The following RASGEF1C variants were observed in gnomAD, a reference collection of about 807,000 sequenced individuals.
RASGEF1C encodes ras-GEF domain-containing family member 1C.
A neutral mutation model predicts 58.1 loss-of-function variants in RASGEF1C; 27 were observed. The observed-to-expected ratio is 0.46, with a 90% CI of 0.34 to 0.64. RASGEF1C has a LOEUF of 0.64. RASGEF1C is among the 30% of genes least tolerant of loss of function. The pLI is 0.01. For synonymous variants in RASGEF1C, 243 were observed against 246.3 expected, an observed-to-expected ratio of 0.99 and a Z score of 0.13; for missense variants, 502 against 605.1, an observed-to-expected ratio of 0.83 and a Z score of 1.79.
intron 5 of RASGEF1C, among the ~76,000 whole-genome samples, 192 bp downstream of exon 5, chr5:180,128,218 C>T (rs1447861281): frequency 1.3e-5 from 2 of 152,158 alleles, no homozygotes; most frequent in East Asian, 1.9e-4. Flanking sequence ...GGGAAGAACC[C>T]GCCCCAGCCT....
rs1766477090 is a variant in RASGEF1C at position 180,136,490 on chromosome 5, T to G, written c.326A>C (p.Lys109Thr). The change falls in exon 4 of 14, where the codon AAA (lysine) becomes ACA (threonine). Residue 109 changes from lysine (K) to threonine (T), a missense_variant. Lys to Thr is a moderately conservative substitution (Grantham distance 78). Coordinates refer to ENST00000361132, the MANE Select transcript of RASGEF1C (RefSeq NM_175062.4). ...DKARVRKFGP[K>T]LLQLLAEWTE... Reference sequence around the variant, plus strand: ...CCACTCGGCCAACAGCTGCAGCAGTTTGGGGCCGAACTTCCGGACCCGGGC... The same window carrying G: ...CCACTCGGCCAACAGCTGCAGCAGTGTGGGGCCGAACTTCCGGACCCGGGC... 6.4e-7 allele frequency: 1 copy of G among 1,570,794 alleles called. No homozygotes were observed. Among genetic ancestry groups the G allele is most frequent in the Admixed American group, 1.8e-5 (1 of 54,538 alleles).
At chr5:180,172,168 C>T (rs1267285230) in intron 1 of RASGEF1C, among the ~76,000 whole-genome samples, 1 of 152,222 alleles carries the variant, frequency 6.6e-6, no homozygotes, top group Non-Finnish European at 1.5e-5. Flanking sequence ...GCAGGACGGG[C>T]AGGGCCACCT....
chr5:180,173,775 T>A (rs1767158336), intron 1 of RASGEF1C, among the ~76,000 whole-genome samples: 2 of 151,988 alleles, frequency 1.3e-5, no homozygotes, highest in Non-Finnish European at 2.9e-5. Flanking sequence ...TAGCTGGGCG[T>A]GGTGGTGGGC....
chr5:180,121,221 G>A, intron 6 of RASGEF1C, 72 bp from the exon 7 acceptor site: 2 of 1,029,590 alleles, frequency 1.9e-6, no homozygotes, highest in East Asian at 2.4e-5. Context: ...CATGAAGTCA[G>A]TTCATGATCC....
At chr5:180,172,224 C>T (rs1010353145) in intron 1 of RASGEF1C, among the ~76,000 whole-genome samples, 13 of 152,174 alleles carry the variant, frequency 8.5e-5, no homozygotes, top group African/African-American at 2.4e-5. Flanking sequence ...ACTGGGTGTC[C>T]CAAGCCTGCC....
Position 180,128,490 on chromosome 5 carries a change from G to C in RASGEF1C, c.559C>G (p.Pro187Ala). Reference protein sequence around the residue: ...DKPISYRTKPPASIHRELLGV... With the variant: ...DKPISYRTKPAASIHRELLGV... ...AGGAGCTCCCTGTGGATGGAGGCTG[G>C]TGGCTTGGTCCTGTAGGAGATGGGC... Residue 187 changes from proline (P) to alanine (A), a missense_variant, in exon 5 of 14, where the codon CCA becomes GCA. Pro to Ala is a conservative substitution (Grantham distance 27, BLOSUM62 -1). Coordinates refer to ENST00000361132, the MANE Select transcript of RASGEF1C (RefSeq NM_175062.4). The C allele has an allele frequency of 6.2e-7, 1 of 1,614,174 alleles. No individual in the cohort carries two copies. Among genetic ancestry groups the C allele is most frequent in the Non-Finnish European group, 8.5e-7 (1 of 1,180,038 alleles).
rs556655310 is a variant in RASGEF1C at position 180,176,219 on chromosome 5, A to C, written c.-7+32809T>G. 6.9e-3 allele frequency among the ~76,000 whole-genome samples: 1,046 copies of C among 152,330 alleles called. 19 individuals carry two copies. The highest frequency in any genetic ancestry group is 0.024 in the African/African-American group (993 of 41,592). ...CTGGTGGCCATGCCTCCCAGAGAGC[A>C]GGTGGGCCCTGGAGGCAGGGGCCCC... On this transcript the variant is annotated intron_variant, in intron 1 of 13. Transcript: ENST00000361132.
chr5:180,158,369 C>T lies in RASGEF1C; in HGVS notation c.-6-20311G>A, dbSNP rs1344973253. ...GTCTTTCATTTTAATGGAGCACATA[C>T]TCTAGTAGCTTTTTGAGAAGAGGTG... On this transcript the variant is annotated intron_variant, in intron 1 of 13. Coordinates refer to ENST00000361132, the MANE Select transcript of RASGEF1C (RefSeq NM_175062.4). The surrounding 1 kb of genome is among the most constrained non-coding windows in gnomAD (Gnocchi z 4.0). 6.6e-6 allele frequency among the ~76,000 whole-genome samples: 1 copy of T among 152,172 alleles called. No individual in the cohort carries two copies. Among genetic ancestry groups the T allele is most frequent in the African/African-American group, 2.4e-5 (1 of 41,440 alleles).
intron 1 of RASGEF1C, among the ~76,000 whole-genome samples, chr5:180,144,055 C>T (rs1316352245): frequency 7.9e-5 from 12 of 152,156 alleles, no homozygotes. Flanking sequence ...GAGACTGGTG[C>T]ACGAAGTACC....
rs902833866 is a variant in RASGEF1C at position 180,158,743 on chromosome 5, T to A, written c.-6-20685A>T. ...AAGGACGCACCTTGACACGGGCCTTTCTATGTCCCTCGTGTGGAGCACTTT... is the reference window on the plus strand; with the variant it reads ...AAGGACGCACCTTGACACGGGCCTTACTATGTCCCTCGTGTGGAGCACTTT... On this transcript the variant is annotated intron_variant, in intron 1 of 13. Coordinates refer to ENST00000361132, the MANE Select transcript of RASGEF1C (RefSeq NM_175062.4). The surrounding 1 kb of genome is among the most constrained non-coding windows in gnomAD (Gnocchi z 4.0). 6.6e-6 allele frequency among the ~76,000 whole-genome samples: 1 copy of A among 152,180 alleles called. No homozygotes were observed. The highest frequency in any genetic ancestry group is 2.4e-5 in the African/African-American group (1 of 41,432).
intron 1 of RASGEF1C, among the ~76,000 whole-genome samples, chr5:180,172,692 C>T (rs529174408): frequency 2.0e-5 from 3 of 152,130 alleles, no homozygotes; most frequent in South Asian, 2.1e-4. Context: ...CCTTCTCTCA[C>T]GCCCAGCTCC....
At chr5:180,173,679 C>G (rs1767152187) in intron 1 of RASGEF1C, among the ~76,000 whole-genome samples, 1 of 151,304 alleles carries the variant, frequency 6.6e-6, no homozygotes, top group Admixed American at 6.6e-5. Flanking sequence ...CTTTGGGAGG[C>G]CAAGGTGGGC....
chr5:180,140,030 G>A (rs71613443), intron 1 of RASGEF1C, among the ~76,000 whole-genome samples: 1 of 152,214 alleles, frequency 6.6e-6, no homozygotes, highest in Non-Finnish European at 1.5e-5. Context: ...CTTTCTGAAG[G>A]AGGCCAGGAG....
chr5:180,206,504 A>T (rs1264523827), intron 1 of RASGEF1C, among the ~76,000 whole-genome samples: 1 of 152,244 alleles, frequency 6.6e-6, no homozygotes, highest in Non-Finnish European at 1.5e-5. Flanking sequence ...GTGGGAATGC[A>T]AAACGGTGCT....
Position 180,156,473 on chromosome 5 carries a change from C to G in RASGEF1C, c.-6-18415G>C, listed in dbSNP as rs907636784. ...GACCTCTGTGATAAAGAACTGTTAT[C>G]GAAAATATATAAAGGGCCAGGCATG... is the stretch of plus-strand genomic sequence containing the variant. On this transcript the variant is annotated intron_variant, in intron 1 of 13. Coordinates refer to ENST00000361132, the MANE Select transcript of RASGEF1C (RefSeq NM_175062.4). This position sits in a 1 kb window ranked among gnomAD's most constrained non-coding sequence, Gnocchi z 4.9. Among the ~76,000 whole-genome samples, 3 of 152,102 alleles carry G rather than the reference C, an allele frequency of 2.0e-5. No individual in the cohort carries two copies. The highest frequency in any genetic ancestry group is 2.0e-4 in the Admixed American group (3 of 15,258).
chr5:180,179,182 T>C (rs1300432760), intron 1 of RASGEF1C, among the ~76,000 whole-genome samples: 1 of 151,852 alleles, frequency 6.6e-6, no homozygotes, highest in Non-Finnish European at 1.5e-5. Context: ...GTGGCGTGCA[T>C]GGGCCGTGTT....
At chr5:180,140,983 C>A (rs1032349936) in intron 1 of RASGEF1C, among the ~76,000 whole-genome samples, 28 of 152,322 alleles carry the variant, frequency 1.8e-4, no homozygotes, top group Admixed American at 3.9e-4. Flanking sequence ...GTGATCAGAG[C>A]ATCACGTTCC....
At chr5:180,207,749 A>G (rs559492540) in intron 1 of RASGEF1C, among the ~76,000 whole-genome samples, 1 of 152,194 alleles carries the variant, frequency 6.6e-6, no homozygotes, top group African/African-American at 2.4e-5. Flanking sequence ...GTAGCGTCTC[A>G]GCTCCAGCTC....
In RASGEF1C at chr5:180,137,660, C is replaced by T. The variant is rs140361935; in HGVS notation, c.230G>A (p.Arg77Gln). Residue 77 changes from arginine to glutamine, a missense_variant, in exon 3 of 14, where the codon CGG (arginine) becomes CAG (glutamine). By Grantham distance (43) the Arg-to-Gln change is conservative (BLOSUM62 1). Coordinates refer to ENST00000361132, the MANE Select transcript of RASGEF1C (RefSeq NM_175062.4). The surrounding 1 kb of genome is among the most constrained non-coding windows in gnomAD (Gnocchi z 4.1). ...LLSSRLFIEP[R>Q]ELLARVCHLC... is the part of the protein sequence containing the mutation. ...GTGGCAGACCCGGGCCAGGAGCTCC[C>T]GGGGCTCGATGAAGAGGCGAGAGCT... is the stretch of plus-strand genomic sequence containing the variant. 3.7e-4 allele frequency: 601 copies of T among 1,612,846 alleles called. No homozygotes were observed. Among genetic ancestry groups the T allele is most frequent in the Non-Finnish European group, 4.9e-4 (573 of 1,179,994 alleles).
Sources: allele counts gnomAD v4.1 joint callset (sites outside exome capture counted in the v4.1 genomes callset), GRCh38; gene constraint gnomAD v4.1.1; non-coding constraint Gnocchi (gnomAD v3.1); transcripts MANE v1.5; gene names NCBI Gene and HGNC (gene_info 2026-07-23, HGNC 2026-07-21).